The following WDR25 variants were observed in gnomAD, a reference collection of about 807,000 sequenced individuals.
The protein encoded by WDR25 is WD repeat domain 25.
Under a neutral mutation model 47.7 loss-of-function variants are expected in WDR25, and 35 were observed. The observed-to-expected ratio is 0.73, with a 90% CI of 0.56 to 0.97. WDR25 has a LOEUF of 0.97. Ranked by LOEUF, WDR25 falls within the 50% of genes least tolerant of loss-of-function variation. The pLI is 0.00. For missense variants in WDR25, 634 were observed against 704.7 expected (o/e 0.90, Z 1.14); for synonymous variants, 248 against 278.9 (o/e 0.89, Z 1.10).
At chr14:100,510,269 CAA>C (rs35103618) in intron 4 of WDR25, among the ~76,000 whole-genome samples, 14,534 of 142,518 alleles carry the variant, frequency 0.1, 836 homozygotes, top group Non-Finnish European at 0.13. Flanking sequence ...GACTCCATGT[CAA>C]AAAAAAAAAA....
At chr14:100,471,836 A>G (rs1255283878) in intron 3 of WDR25, among the ~76,000 whole-genome samples, 1 of 152,252 alleles carries the variant, frequency 6.6e-6, no homozygotes, top group African/African-American at 2.4e-5. Flanking sequence ...TAGAACAACC[A>G]TGAATCAACA....
chr14:100,451,329 C>T (rs1899023872), intron 2 of WDR25, among the ~76,000 whole-genome samples: 1 of 151,244 alleles, frequency 6.6e-6, no homozygotes, highest in Non-Finnish European at 1.5e-5. Flanking sequence ...GCAGCCTTGA[C>T]TTCCTGGGCT....
intron 4 of WDR25, among the ~76,000 whole-genome samples, chr14:100,496,237 G>A (rs979843920): frequency 5.3e-5 from 8 of 152,214 alleles, no homozygotes; most frequent in African/African-American, 1.7e-4. Context: ...AGACTTGGTA[G>A]TTGCATGCCT....
chr14:100,379,128 C>T (rs60917004), intron 1 of WDR25, among the ~76,000 whole-genome samples: 7,836 of 152,178 alleles, frequency 0.051, 335 homozygotes, highest in African/African-American at 0.11. Context: ...TACCCTCGTT[C>T]ATGATGATGA....
chr14:100,525,790 C>G lies in WDR25; in HGVS notation c.1102-80C>G. On this transcript the variant is annotated intron_variant, in intron 4 of 6. Transcript: ENST00000402312. This position sits in a 1 kb window ranked among gnomAD's most constrained non-coding sequence, Gnocchi z 4.6. ...TAAACTTCACTAAACCTGCCTGCCC[C>G]CTGGGTCCTTGGCCTTCCCTGCATA... 1 of 1,546,228 alleles carries G rather than the reference C, an allele frequency of 6.5e-7. No individual in the cohort carries two copies.
intron 3 of WDR25, chr14:100,476,727 C>T (rs995253349): frequency 6.6e-6 from 1 of 152,208 alleles, no homozygotes; most frequent in Non-Finnish European, 1.5e-5. Flanking sequence ...CACCTACCAC[C>T]CAGGGTGCCG....
At chr14:100,516,743 AT>A (rs1297056542) in intron 4 of WDR25, among the ~76,000 whole-genome samples, 1 of 152,042 alleles carries the variant, frequency 6.6e-6, no homozygotes, top group Admixed American at 6.6e-5. Flanking sequence ...CTTATAAGCT[AT>A]GTATTTTATT....
At position 100,529,910 on chromosome 14, in the gene WDR25, T is replaced by C; in HGVS notation, c.1504T>C (p.Phe502Leu). 1 of 1,613,424 alleles carries C rather than the reference T, an allele frequency of 6.2e-7. No individual in the cohort carries two copies. ...SADGRVLMYS[F>L]RTASRACTLQ... ...CGATGGCCGGGTCCTGATGTACAGCTTCCGCACAGCCAGCCGAGCATGCAC... is the reference window on the plus strand; with the variant it reads ...CGATGGCCGGGTCCTGATGTACAGCCTCCGCACAGCCAGCCGAGCATGCAC... The change falls in exon 7 of 7, where the codon TTC (phenylalanine) becomes CTC (leucine). Residue 502 changes from phenylalanine to leucine, a missense_variant. Transcript: ENST00000402312. This position sits in a 1 kb window ranked among gnomAD's most constrained non-coding sequence, Gnocchi z 5.1.
rs1323452732 is a variant in WDR25, at chr14:100,529,483, A to C, written c.1413+275A>C. ...GGGGCAGGAACAGGACAAAATGGTCATGGGTGTCATTTCTGCATCCTTCCC... is the reference window on the plus strand; with the variant it reads ...GGGGCAGGAACAGGACAAAATGGTCCTGGGTGTCATTTCTGCATCCTTCCC... On this transcript the variant is annotated intron_variant, in intron 6 of 6. Transcript: ENST00000402312. The surrounding 1 kb of genome is among the most constrained non-coding windows in gnomAD (Gnocchi z 5.1). 8.4e-6 allele frequency: 5 copies of C among 594,516 alleles called. No homozygotes were observed. The highest frequency in any genetic ancestry group is 3.0e-5 in the Admixed American group (1 of 32,814). The allele number at this position is 594,516 out of a possible 1,614,324, so 36.8% of individuals were successfully genotyped here.
At chr14:100,447,851 C>T (rs1238439640) in intron 2 of WDR25, among the ~76,000 whole-genome samples, 1 of 152,172 alleles carries the variant, frequency 6.6e-6, no homozygotes, top group African/African-American at 2.4e-5. Flanking sequence ...TTCAAGGCCC[C>T]TGCCAAATCT....
chr14:100,386,879 C>T (rs918610960), intron 2 of WDR25, among the ~76,000 whole-genome samples: 1 of 151,738 alleles, frequency 6.6e-6, no homozygotes, highest in South Asian at 2.1e-4. Context: ...GGTGAAAGAG[C>T]GAGACTCCAT....
chr14:100,472,802 C>T (rs926830568), intron 3 of WDR25, among the ~76,000 whole-genome samples: 5 of 152,180 alleles, frequency 3.3e-5, no homozygotes, highest in African/African-American at 4.8e-5. Flanking sequence ...TTAGGGCTCT[C>T]GAGTGGGTAT....
At chr14:100,435,545 C>T (rs1007943001) in intron 2 of WDR25, among the ~76,000 whole-genome samples, 2 of 152,220 alleles carry the variant, frequency 1.3e-5, no homozygotes, top group Non-Finnish European at 2.9e-5. Flanking sequence ...AAGAGAAGCT[C>T]ACTCAGCTGT....
At chr14:100,509,288 AGTT>A (rs1439433194) in intron 4 of WDR25, among the ~76,000 whole-genome samples, 1 of 152,070 alleles carries the variant, frequency 6.6e-6, no homozygotes, top group Non-Finnish European at 1.5e-5. Context: ...TTTCTCCTTT[AGTT>A]GTTTTTGTTA....
chr14:100,462,802 C>G (rs985016292), intron 2 of WDR25, among the ~76,000 whole-genome samples: 2 of 151,964 alleles, frequency 1.3e-5, no homozygotes, highest in African/African-American at 4.8e-5. Flanking sequence ...CCTCCGTCCT[C>G]TCCTCCTCTC....
intron 1 of WDR25, among the ~76,000 whole-genome samples, chr14:100,380,004 G>A (rs757168287): frequency 2.0e-5 from 3 of 151,518 alleles, no homozygotes; most frequent in Non-Finnish European, 4.4e-5. Flanking sequence ...GCCTCCCAAA[G>A]TGCTGGGATT....
chr14:100,394,646 T>C (rs1231365314), intron 2 of WDR25, among the ~76,000 whole-genome samples: 1 of 152,144 alleles, frequency 6.6e-6, no homozygotes, highest in Admixed American at 6.5e-5. Flanking sequence ...AGAAAGGCCC[T>C]CCAGGGCTAT....
At chr14:100,494,468 T>G (rs1237136039) in intron 4 of WDR25, among the ~76,000 whole-genome samples, 1 of 152,252 alleles carries the variant, frequency 6.6e-6, no homozygotes, top group Non-Finnish European at 1.5e-5. Flanking sequence ...GTTTTTTGCC[T>G]TTTATTATGC....
intron 2 of WDR25, among the ~76,000 whole-genome samples, chr14:100,398,451 T>C (rs1490727437): frequency 6.6e-6 from 1 of 151,868 alleles, no homozygotes; most frequent in African/African-American, 2.4e-5. Context: ...ACAGGAGTCT[T>C]AACTTTTAAA....
Sources: gnomAD v4.1 joint callset for allele counts (sites outside exome capture counted in the v4.1 genomes callset) on GRCh38, gnomAD v4.1.1 for gene constraint, Gnocchi (gnomAD v3.1) non-coding constraint, MANE v1.5 for transcripts, NCBI Gene and HGNC (gene_info 2026-07-23, HGNC 2026-07-21) for gene names.